ANK3: variants seen among roughly 807,000 people sequenced by gnomAD.
ANK3 encodes the protein ankyrin-3.
A neutral mutation model predicts 370.9 loss-of-function variants in ANK3; 57 were observed. The observed-to-expected ratio is 0.15, with a 90% CI of 0.12 to 0.19. The LOEUF is 0.19. Among genes scored for constraint, ANK3 ranks in the 10% least tolerant of loss-of-function variants. The probability of loss-of-function intolerance (pLI) is 1.00; values close to 1 mark genes in which losing one functional copy is unlikely to be tolerated. For missense variants in ANK3, 4,439 were observed against 5,302.1 expected (o/e 0.84, Z 5.06); for synonymous variants, 1,929 against 1,946.3 (o/e 0.99, Z 0.23).
Position 60,067,922 on chromosome 10 carries a change from T to C in ANK3, c.12319+13A>G. The C allele has an allele frequency of 6.3e-7, 1 of 1,598,692 alleles. No homozygotes were observed. Among genetic ancestry groups the C allele is most frequent in the Non-Finnish European group, 8.6e-7 (1 of 1,168,200 alleles). ...GAAACTAATTTGTTCCATTCAGGAG[T>C]GTATGCACTTACCTGTCCAACTAAG... On this transcript the variant is annotated intron_variant, in intron 38 of 43. Coordinates refer to ENST00000280772, the MANE Select transcript of ANK3 (RefSeq NM_020987.5).
intron 2 of ANK3, among the ~76,000 whole-genome samples, chr10:60,403,612 G>A (rs2063395222): frequency 6.6e-6 from 1 of 152,080 alleles, no homozygotes; most frequent in African/African-American, 2.4e-5. Context: ...TATTGAGATG[G>A]AGTCTTGCTC....
chr10:60,163,084 TTCTTTCTCTCCTTTC>T (rs1253363441), intron 23 of ANK3, among the ~76,000 whole-genome samples: 1 of 152,126 alleles, frequency 6.6e-6, no homozygotes, highest in Non-Finnish European at 1.5e-5. Flanking sequence ...TTCCCTCTTT[TTCTTTCTCTCCTTTC>T]TCTTTCTTCT....
intron 2 of ANK3, among the ~76,000 whole-genome samples, chr10:60,563,523 T>C (rs1347835259): frequency 6.6e-6 from 1 of 152,182 alleles, no homozygotes; most frequent in Admixed American, 6.5e-5. Flanking sequence ...CAGCATCCCA[T>C]AAGCAAAGAA....
chr10:60,664,005 G>A (rs2078967514), intron 1 of ANK3, among the ~76,000 whole-genome samples: 1 of 152,162 alleles, frequency 6.6e-6, no homozygotes, highest in African/African-American at 2.4e-5. Flanking sequence ...ATTGCATCCT[G>A]CCTGTCTCAG....
At position 60,069,751 on chromosome 10, in the gene ANK3, G is replaced by A; in HGVS notation, c.11130C>T (p.Asn3710=). ...GCAACTTGGGGTCAACTTTAGAGGT[G>A]TTAGTGGCTGCTGCTGATTTCTCCA... ...GSLEKSAAAT[N]TSKVDPKLRT... Residue 3710 remains asparagine (N), a synonymous_variant, in exon 37 of 44, where the codon AAC becomes AAT. Coordinates refer to ENST00000280772, the MANE Select transcript of ANK3 (RefSeq NM_020987.5). 1.9e-6 allele frequency: 3 copies of A among 1,613,902 alleles called. No homozygotes were observed. Among genetic ancestry groups the A allele is most frequent in the Non-Finnish European group, 2.5e-6 (3 of 1,179,958 alleles).
At chr10:60,428,910 A>G (rs2063950529) in intron 2 of ANK3, among the ~76,000 whole-genome samples, 1 of 152,210 alleles carries the variant, frequency 6.6e-6, no homozygotes, top group Non-Finnish European at 1.5e-5. Flanking sequence ...GATAATTCAC[A>G]GAAGAAATTA....
At chr10:60,109,132 A>C in intron 26 of ANK3, 78 bp from the exon 27 acceptor site, 1 of 1,118,838 alleles carries the variant, frequency 8.9e-7, no homozygotes, top group South Asian at 1.4e-5. Flanking sequence ...TTAAATGTTT[A>C]AGTTTATTTA....
chr10:60,579,527 C>T (rs7906410), intron 2 of ANK3, among the ~76,000 whole-genome samples: 71,838 of 151,592 alleles, frequency 0.47, 17,385 homozygotes, highest in Non-Finnish European at 0.52. Flanking sequence ...CAAAATATTG[C>T]CTCAGCCCCA....
chr10:60,119,889 C>A (rs2093358894), intron 25 of ANK3, among the ~76,000 whole-genome samples: 1 of 151,802 alleles, frequency 6.6e-6, no homozygotes, highest in Admixed American at 6.6e-5. Flanking sequence ...GTCCATACTG[C>A]CCAAAGTAAT....
chr10:60,104,372 A>G (rs2091847285), intron 28 of ANK3, among the ~76,000 whole-genome samples: 8 of 98,248 alleles, frequency 8.1e-5, no homozygotes, highest in Admixed American at 1.9e-4. Flanking sequence ...AAAAAAAAAA[A>G]AAAAAAAAAA....
chr10:60,449,221 T>C (rs1595056381), intron 2 of ANK3, among the ~76,000 whole-genome samples: 1 of 152,286 alleles, frequency 6.6e-6, no homozygotes, highest in East Asian at 1.9e-4. Context: ...ATGTAACCCA[T>C]ACATTTTCTA....
At chr10:60,135,368 A>G (rs541975045) in intron 24 of ANK3, among the ~76,000 whole-genome samples, 2 of 152,278 alleles carry the variant, frequency 1.3e-5, no homozygotes, top group South Asian at 4.1e-4. Flanking sequence ...TCCTCTTTCT[A>G]ATGATGTATG....
Position 60,383,566 on chromosome 10 carries a change from A to G in ANK3, c.114+5859T>C, listed in dbSNP as rs372842479. Among the ~76,000 whole-genome samples the G allele has an allele frequency of 7.2e-5, 11 of 152,310 alleles. No homozygotes were observed. The East Asian group carries it at 1.4e-3, about 19-fold the overall frequency. ...CAGCAAGCCCCAGTTTGGTTGTAGT[A>G]GATAATTACACCATCTCCAGCCTCA... is the stretch of plus-strand genomic sequence containing the variant. On this transcript the variant is annotated intron_variant, in intron 1 of 43. Coordinates refer to ENST00000280772, the MANE Select transcript of ANK3 (RefSeq NM_020987.5).
chr10:60,211,854 C>T (rs1176595658), intron 9 of ANK3, among the ~76,000 whole-genome samples: 1 of 116,560 alleles, frequency 8.6e-6, no homozygotes, highest in Admixed American at 1.2e-4. Flanking sequence ...CAATTAGGTA[C>T]AGCCATTGTG....
chr10:60,525,540 T>C (rs1016090148), intron 2 of ANK3, among the ~76,000 whole-genome samples: 2 of 152,158 alleles, frequency 1.3e-5, no homozygotes, highest in Admixed American at 1.3e-4. Flanking sequence ...GAGCCTACTA[T>C]ATGCGCTAAA....
At chr10:60,170,351 T>C (rs1446529076) in intron 21 of ANK3, among the ~76,000 whole-genome samples, 2 of 152,226 alleles carry the variant, frequency 1.3e-5, no homozygotes, top group Non-Finnish European at 1.5e-5. Context: ...ACAAATATCA[T>C]GCCTGTGGTG....
At chr10:60,248,961 A>G (rs2097599674) in intron 7 of ANK3, among the ~76,000 whole-genome samples, 1 of 152,242 alleles carries the variant, frequency 6.6e-6, no homozygotes, top group African/African-American at 2.4e-5. Context: ...CCAAAAGGAA[A>G]CAGCATATTC....
chr10:60,641,459 C>A (rs912507825), intron 1 of ANK3, among the ~76,000 whole-genome samples: 61 of 151,394 alleles, frequency 4.0e-4, no homozygotes, highest in Middle Eastern at 3.4e-3. Flanking sequence ...CAGAACAGAG[C>A]CCTCAGAAAT....
At chr10:60,454,825 T>G (rs2064705309) in intron 2 of ANK3, among the ~76,000 whole-genome samples, 1 of 152,146 alleles carries the variant, frequency 6.6e-6, no homozygotes, top group African/African-American at 2.4e-5. Context: ...CACAAAATAA[T>G]CTGAAGTTAA....
Sources: allele counts gnomAD v4.1 joint callset (sites outside exome capture counted in the v4.1 genomes callset), GRCh38; gene constraint gnomAD v4.1.1; transcripts MANE v1.5; gene names NCBI Gene and HGNC (gene_info 2026-07-23, HGNC 2026-07-21).